Variants in ARHGAP12 observed in about 807,000 individuals in gnomAD.
ARHGAP12 encodes rho GTPase-activating protein 12.
ARHGAP12 carries 64 observed loss-of-function variants against 108.6 expected under a neutral mutation model. The ratio of observed to expected loss-of-function variants is 0.59; its 90% CI spans 0.48 to 0.73. The LOEUF (loss-of-function observed/expected upper bound fraction) is 0.73. Ranked by LOEUF, ARHGAP12 falls within the 30% of genes least tolerant of loss-of-function variation. ARHGAP12 has a pLI of 0.00. For synonymous variants in ARHGAP12, 312 were observed against 337.2 expected, an observed-to-expected ratio of 0.93 and a Z score of 0.82; for missense variants, 940 against 1,005.9, an observed-to-expected ratio of 0.93 and a Z score of 0.89.
At chr10:31,845,340 CCTTTT>C (rs1836414291) in intron 6 of ARHGAP12, among the ~76,000 whole-genome samples, 1 of 152,058 alleles carries the variant, frequency 6.6e-6, no homozygotes, top group Non-Finnish European at 1.5e-5. Flanking sequence ...TTATTTCTTT[CCTTTT>C]CTTAATTGTT....
At chr10:31,873,500 C>A (rs1837614504) in intron 3 of ARHGAP12, among the ~76,000 whole-genome samples, 1 of 152,136 alleles carries the variant, frequency 6.6e-6, no homozygotes, top group Admixed American at 6.5e-5. Context: ...GCTCAATAAC[C>A]ACCCATGGCC....
At position 31,836,927 on chromosome 10, in the gene ARHGAP12, G is replaced by GT. The variant is rs138389167; in HGVS notation, c.1386+2377dup. Among the ~76,000 whole-genome samples the GT allele has an allele frequency of 8.7e-3, 1,323 of 152,090 alleles. 8 individuals are homozygous for GT. The highest frequency in any genetic ancestry group is 0.015 in the Non-Finnish European group (991 of 67,952). ...TCTGGTAGAATTAACATGGCGGTTTGTTTTTTTCACCTAAAGGTAAAAAAA... is the reference window on the plus strand; with the variant it reads ...TCTGGTAGAATTAACATGGCGGTTTGTTTTTTTTCACCTAAAGGTAAAAAAA... On this transcript the variant is annotated intron_variant, in intron 9 of 19. Coordinates refer to ENST00000344936, the MANE Select transcript of ARHGAP12 (RefSeq NM_018287.7).
intron 1 of ARHGAP12, among the ~76,000 whole-genome samples, chr10:31,924,130 G>A (rs764439665): frequency 1.6e-4 from 25 of 152,124 alleles, no homozygotes; most frequent in Non-Finnish European, 2.9e-4. Flanking sequence ...CAACCACTGC[G>A]GAAAATAATT....
intron 3 of ARHGAP12, among the ~76,000 whole-genome samples, chr10:31,890,568 C>A (rs1838382209): frequency 6.6e-6 from 1 of 152,040 alleles, no homozygotes; most frequent in Admixed American, 6.6e-5. Flanking sequence ...GACAAAGCAG[C>A]ATTTCAGAAA....
At chr10:31,846,841 C>T (rs1184356931) in intron 6 of ARHGAP12, among the ~76,000 whole-genome samples, 1 of 151,738 alleles carries the variant, frequency 6.6e-6, no homozygotes, top group East Asian at 1.9e-4. Flanking sequence ...TTCTGGAACT[C>T]CAATGAAAGG....
intron 2 of ARHGAP12, among the ~76,000 whole-genome samples, chr10:31,909,848 A>G (rs1293869909): frequency 6.6e-6 from 1 of 152,168 alleles, no homozygotes; most frequent in Non-Finnish European, 1.5e-5. Context: ...GTGGACCAAG[A>G]TCACACCACT....
intron 1 of ARHGAP12, among the ~76,000 whole-genome samples, chr10:31,913,950 T>G (rs891367088): frequency 6.6e-6 from 1 of 152,150 alleles, no homozygotes; most frequent in African/African-American, 2.4e-5. Context: ...ACGGGGGTTG[T>G]AAAATGGCAT....
intron 9 of ARHGAP12, among the ~76,000 whole-genome samples, 174 bp from the exon 10 acceptor site, chr10:31,831,974 C>T (rs190625567): frequency 9.5e-4 from 144 of 152,270 alleles, no homozygotes; most frequent in Middle Eastern, 6.8e-3. Flanking sequence ...TTTCCTAATA[C>T]TTTTGTAGTT....
At chr10:31,841,931 G>T (rs1836284362) in intron 7 of ARHGAP12, among the ~76,000 whole-genome samples, 1 of 151,876 alleles carries the variant, frequency 6.6e-6, no homozygotes, top group Non-Finnish European at 1.5e-5. Flanking sequence ...GTTTGCAAAG[G>T]GTAAGGTAGA....
chr10:31,918,508 G>T (rs1205052543), intron 1 of ARHGAP12, among the ~76,000 whole-genome samples: 1 of 152,074 alleles, frequency 6.6e-6, no homozygotes, highest in Non-Finnish European at 1.5e-5. Flanking sequence ...TTCAAGACCA[G>T]CCTGAGTAAC....
rs1419447658 is a variant in ARHGAP12, at chr10:31,818,356, A to AT, written c.1633-471_1633-470insA. Among the ~76,000 whole-genome samples, 154 of 152,356 alleles carry AT rather than the reference A, an allele frequency of 1.0e-3. 2 individuals carry two copies. The highest frequency in any genetic ancestry group is 3.6e-3 in the African/African-American group (149 of 41,578). ...TTTCAATATTTCCTACTTTGTAGGT[A>AT]AATATAATGGCTTAGTACAAAGAGC... On this transcript the variant is annotated intron_variant, in intron 12 of 19. Coordinates refer to ENST00000344936, the MANE Select transcript of ARHGAP12 (RefSeq NM_018287.7).
At chr10:31,878,260 A>G (rs1262926582) in intron 3 of ARHGAP12, among the ~76,000 whole-genome samples, 1 of 152,196 alleles carries the variant, frequency 6.6e-6, no homozygotes, top group Non-Finnish European at 1.5e-5. Context: ...ACTTTTGTTG[A>G]TATCCTGAAT....
intron 3 of ARHGAP12, among the ~76,000 whole-genome samples, chr10:31,862,979 CT>C (rs1416845543): frequency 6.6e-6 from 1 of 152,158 alleles, no homozygotes; most frequent in African/African-American, 2.4e-5. Context: ...AATTAAAGTG[CT>C]TTAACTTCTA....
intron 9 of ARHGAP12, among the ~76,000 whole-genome samples, chr10:31,833,526 A>G (rs564131416): frequency 1.1e-4 from 16 of 152,318 alleles, no homozygotes; most frequent in Non-Finnish European, 2.2e-4. Flanking sequence ...TGCATCACTC[A>G]AAGAAAAGGT....
intron 9 of ARHGAP12, among the ~76,000 whole-genome samples, chr10:31,835,601 C>A (rs1835987457): frequency 6.6e-6 from 1 of 152,166 alleles, no homozygotes; most frequent in African/African-American, 2.4e-5. Flanking sequence ...ATGTTGCATT[C>A]TTTTAGTAAA....
chr10:31,858,726 C>T (rs1212938177), intron 4 of ARHGAP12, among the ~76,000 whole-genome samples: 1 of 152,168 alleles, frequency 6.6e-6, no homozygotes, highest in Non-Finnish European at 1.5e-5. Flanking sequence ...TGTGTTAAGA[C>T]AGAAGAGCCA....
At chr10:31,840,933 T>A (rs371992864) in intron 7 of ARHGAP12, among the ~76,000 whole-genome samples, 9 of 152,170 alleles carry the variant, frequency 5.9e-5, no homozygotes, top group African/African-American at 2.2e-4. Flanking sequence ...ACTTAAGTAT[T>A]TTTTTCTGAC....
intron 15 of ARHGAP12, 63 bp from the exon 16 acceptor site, chr10:31,810,810 A>C: frequency 1.6e-6 from 2 of 1,282,130 alleles, no homozygotes; most frequent in Non-Finnish European, 1.1e-6. Context: ...TGAAATGGCT[A>C]ACCATTCAGA....
At chr10:31,886,733 A>T (rs1838202931) in intron 3 of ARHGAP12, among the ~76,000 whole-genome samples, 1 of 152,106 alleles carries the variant, frequency 6.6e-6, no homozygotes, top group African/African-American at 2.4e-5. Flanking sequence ...TCTCCCCCTC[A>T]AATAATGTGA....
Sources: gnomAD v4.1 joint callset for allele counts (sites outside exome capture counted in the v4.1 genomes callset) on GRCh38, gnomAD v4.1.1 for gene constraint, MANE v1.5 for transcripts, NCBI Gene and HGNC (gene_info 2026-07-23, HGNC 2026-07-21) for gene names.